The following POFUT3 variants were observed in gnomAD, a reference collection of about 807,000 sequenced individuals.
POFUT3 encodes protein O-fucosyltransferase 3.
chr8:33,388,013 A>C, the POFUT3 span, among the ~76,000 whole-genome samples: 2 of 152,220 alleles, frequency 1.3e-5, no homozygotes, highest in Non-Finnish European at 2.9e-5. Context: ...TCCCATTATA[A>C]ACAAATAAAG....
chr8:33,331,203 G>GGTGGCA, the POFUT3 span, among the ~76,000 whole-genome samples: 4 of 110,846 alleles, frequency 3.6e-5, no homozygotes, highest in African/African-American at 1.5e-4. Flanking sequence ...TTAACCGGGC[G>GGTGGCA]CGCGCCTGTA....
At chr8:33,410,159 G>A in the POFUT3 span, among the ~76,000 whole-genome samples, 442 of 152,296 alleles carry the variant, frequency 2.9e-3, 18 homozygotes, top group East Asian at 0.08. Flanking sequence ...GTGTCCGAGA[G>A]TTGACTAGAT....
chr8:33,400,694 AT>A, the POFUT3 span, among the ~76,000 whole-genome samples: 1 of 152,166 alleles, frequency 6.6e-6, no homozygotes, highest in African/African-American at 2.4e-5. Flanking sequence ...TTAGAAAAAA[AT>A]ATAAGTTAAA....
At chr8:33,316,272 C>T in the POFUT3 span, among the ~76,000 whole-genome samples, 1 of 152,058 alleles carries the variant, frequency 6.6e-6, no homozygotes. Context: ...CTAAGATTCT[C>T]TATGCAAGGC....
chr8:33,439,084 C>T, the POFUT3 span, among the ~76,000 whole-genome samples: 187 of 152,310 alleles, frequency 1.2e-3, no homozygotes, highest in African/African-American at 4.3e-3. Context: ...TAATCCAGGA[C>T]ACCATCATTT....
chr8:33,326,005 C>T, the POFUT3 span, among the ~76,000 whole-genome samples: 8 of 152,172 alleles, frequency 5.3e-5, no homozygotes, highest in African/African-American at 1.9e-4. Flanking sequence ...CTCCACCAAA[C>T]CTGGTGCTAT....
chr8:33,365,437 C>T, the POFUT3 span, among the ~76,000 whole-genome samples: 1 of 152,190 alleles, frequency 6.6e-6, no homozygotes, highest in African/African-American at 2.4e-5. Flanking sequence ...AGAGCTTCTG[C>T]ATGGCAAAAG....
the POFUT3 span, among the ~76,000 whole-genome samples, chr8:33,375,196 T>C: frequency 5.9e-5 from 9 of 152,128 alleles, no homozygotes; most frequent in South Asian, 1.9e-3. Context: ...TCAGCTGAAA[T>C]GAAGACATTT....
At chr8:33,425,719 C>G in the POFUT3 span, among the ~76,000 whole-genome samples, 1 of 151,118 alleles carries the variant, frequency 6.6e-6, no homozygotes, top group African/African-American at 2.4e-5. Context: ...GTCAGGAGTT[C>G]AACACCAGCC....
the POFUT3 span, among the ~76,000 whole-genome samples, chr8:33,446,110 A>G: frequency 6.6e-6 from 1 of 152,166 alleles, no homozygotes; most frequent in Non-Finnish European, 1.5e-5. Context: ...TAGAGCAGAA[A>G]GACCATGGCA....
the POFUT3 span, among the ~76,000 whole-genome samples, chr8:33,427,675 G>A: frequency 6.6e-6 from 1 of 152,106 alleles, no homozygotes; most frequent in East Asian, 1.9e-4. Context: ...GAAAGCAGAC[G>A]ACAAGCCCAC....
At chr8:33,395,749 G>C in the POFUT3 span, among the ~76,000 whole-genome samples, 1 of 152,164 alleles carries the variant, frequency 6.6e-6, no homozygotes, top group Non-Finnish European at 1.5e-5. Flanking sequence ...TGGGGCTTCA[G>C]AGGTCACAGG....
the POFUT3 span, among the ~76,000 whole-genome samples, chr8:33,348,193 A>G: frequency 1.3e-5 from 2 of 150,732 alleles, no homozygotes; most frequent in East Asian, 3.9e-4. Flanking sequence ...AAAAAAGGCC[A>G]TCTACAGAAA....
chr8:33,320,446 T>A, the POFUT3 span, among the ~76,000 whole-genome samples: 1 of 152,116 alleles, frequency 6.6e-6, no homozygotes, highest in Admixed American at 6.6e-5. Flanking sequence ...TTAGGATTTA[T>A]AATGGATTCT....
At chr8:33,346,948 G>T in the POFUT3 span, among the ~76,000 whole-genome samples, 2 of 152,128 alleles carry the variant, frequency 1.3e-5, no homozygotes, top group Admixed American at 6.6e-5. Context: ...AGTCCCTGAA[G>T]GAAATATAAT....
chr8:33,393,285 A>G, the POFUT3 span, among the ~76,000 whole-genome samples: 1 of 152,238 alleles, frequency 6.6e-6, no homozygotes, highest in African/African-American at 2.4e-5. Context: ...CTGCTCTTAC[A>G]TTTAACAATT....
chr8:33,362,789 C>G, the POFUT3 span, among the ~76,000 whole-genome samples: 13 of 152,080 alleles, frequency 8.5e-5, no homozygotes, highest in African/African-American at 2.9e-4. Flanking sequence ...TAGAGACCTA[C>G]GAAGAGACTT....
At chr8:33,436,490 T>C in the POFUT3 span, 1 of 1,351,460 alleles carries the variant, frequency 7.4e-7, no homozygotes, top group Non-Finnish European at 1.1e-6. Context: ...CTCTCATTCG[T>C]GCTGGCTTCC....
At chr8:33,429,594 AG>A in the POFUT3 span, among the ~76,000 whole-genome samples, 1 of 152,124 alleles carries the variant, frequency 6.6e-6, no homozygotes, top group African/African-American at 2.4e-5. Flanking sequence ...GGGCAGATGG[AG>A]GAAGGGGAGG....
Sources: gnomAD v4.1 joint callset for allele counts (sites outside exome capture counted in the v4.1 genomes callset) on GRCh38, gnomAD v4.1.1 for gene constraint, MANE v1.5 for transcripts, NCBI Gene and HGNC (gene_info 2026-07-23, HGNC 2026-07-21) for gene names.